The following RBFOX1 variants were observed in gnomAD, a reference collection of about 807,000 sequenced individuals.
The protein encoded by RBFOX1 is RNA binding fox-1 homolog 1.
A neutral mutation model predicts 57.7 loss-of-function variants in RBFOX1; 8 were observed. The observed-to-expected ratio is 0.14, with a 90% CI of 0.08 to 0.25. The LOEUF (loss-of-function observed/expected upper bound fraction) is 0.25, where lower values mean the gene tolerates loss of function less well. RBFOX1 is among the 10% of genes least tolerant of loss of function. RBFOX1 has a pLI of 1.00. For synonymous variants in RBFOX1, 326 were observed against 222.4 expected (o/e 1.47, Z -4.15); for missense variants, 611 against 548.5 (o/e 1.11, Z -1.14).
intron 3 of RBFOX1, among the ~76,000 whole-genome samples, chr16:6,868,701 T>C (rs1438114990): frequency 6.6e-6 from 1 of 152,112 alleles, no homozygotes; most frequent in East Asian, 1.9e-4. Context: ...GAACTTCTGA[T>C]CTCAGGTGAC....
chr16:6,431,436 C>G (rs1438682382), intron 2 of RBFOX1, among the ~76,000 whole-genome samples: 2 of 152,042 alleles, frequency 1.3e-5, no homozygotes, highest in Non-Finnish European at 2.9e-5. Flanking sequence ...CGGTCCAGCC[C>G]ACTACCTAAG....
chr16:5,263,088 G>T (rs1268825347), intron 1 of RBFOX1, among the ~76,000 whole-genome samples: 1 of 152,030 alleles, frequency 6.6e-6, no homozygotes, highest in Non-Finnish European at 1.5e-5. Flanking sequence ...TGGTGGTGGT[G>T]GTGGTGGTGG....
At chr16:7,058,760 T>A (rs575819896) in intron 4 of RBFOX1, among the ~76,000 whole-genome samples, 28 of 152,350 alleles carry the variant, frequency 1.8e-4, no homozygotes, top group African/African-American at 6.0e-4. Flanking sequence ...GATATTGGTT[T>A]TTCATTTACC....
intron 2 of RBFOX1, among the ~76,000 whole-genome samples, chr16:6,461,263 A>G (rs907848622): frequency 6.6e-6 from 1 of 152,194 alleles, no homozygotes; most frequent in African/African-American, 2.4e-5. Context: ...ACTTAAAAAA[A>G]TTAATTAAAT....
In RBFOX1 at chr16:7,589,777, T is replaced by C. The variant is rs1395377488; in HGVS notation, c.468+2477T>C. Among the ~76,000 whole-genome samples, 4 of 152,038 alleles carry C rather than the reference T, an allele frequency of 2.6e-5. No homozygotes were observed. In the South Asian group the frequency reaches 8.3e-4, roughly 32 times the overall value. On this transcript the variant is annotated intron_variant, in intron 7 of 15. Coordinates refer to ENST00000550418, the MANE Select transcript of RBFOX1 (RefSeq NM_018723.4). ...AACCTGAACTGTTGCTATGGCCTCA[T>C]TTTCATCGTTTGGTGCTGGACAGAC...
chr16:7,530,143 CTATCT>C (rs1186261977), intron 5 of RBFOX1, among the ~76,000 whole-genome samples: 1 of 152,080 alleles, frequency 6.6e-6, no homozygotes, highest in Non-Finnish European at 1.5e-5. Flanking sequence ...CTTGAGATGA[CTATCT>C]TATCTTCCTG....
At chr16:5,422,217 A>AG (rs896280727) in intron 1 of RBFOX1, among the ~76,000 whole-genome samples, 6 of 143,010 alleles carry the variant, frequency 4.2e-5, no homozygotes, top group Admixed American at 2.8e-4. Flanking sequence ...GGTGGAGGAG[A>AG]GAGGAGGGAG....
chr16:6,828,831 T>C (rs1242657546), intron 3 of RBFOX1, among the ~76,000 whole-genome samples: 2 of 152,046 alleles, frequency 1.3e-5, no homozygotes, highest in Non-Finnish European at 2.9e-5. Context: ...TTCTAAGAAA[T>C]TTCCACCCTT....
At chr16:7,010,804 A>G (rs2093618505) in intron 3 of RBFOX1, among the ~76,000 whole-genome samples, 1 of 151,958 alleles carries the variant, frequency 6.6e-6, no homozygotes, top group Non-Finnish European at 1.5e-5. Flanking sequence ...GCCTCAAGTG[A>G]TCTACCCATC....
At chr16:7,331,228 A>G (rs932582393) in intron 4 of RBFOX1, among the ~76,000 whole-genome samples, 1 of 152,214 alleles carries the variant, frequency 6.6e-6, no homozygotes, top group African/African-American at 2.4e-5. Context: ...TTGGATTTAG[A>G]AAACGCCAAT....
intron 3 of RBFOX1, among the ~76,000 whole-genome samples, chr16:6,842,035 C>T (rs574518119): frequency 1.3e-4 from 19 of 151,448 alleles, no homozygotes; most frequent in South Asian, 1.3e-3. Flanking sequence ...CCCAGCTACA[C>T]GGGAGGCTGA....
chr16:5,582,316 C>CT (rs2046695201), intron 2 of RBFOX1, among the ~76,000 whole-genome samples: 1 of 152,256 alleles, frequency 6.6e-6, no homozygotes, highest in South Asian at 2.1e-4. Context: ...AGTGACACGG[C>CT]TTAGCGAAGT....
chr16:7,118,557 C>T (rs9926120), intron 4 of RBFOX1, among the ~76,000 whole-genome samples: 29,290 of 151,882 alleles, frequency 0.19, 3,564 homozygotes, highest in East Asian at 0.34. Flanking sequence ...CAAAAGCCAC[C>T]TGTGCCCCCA....
Position 6,950,946 on chromosome 16 carries a change from C to T in RBFOX1, c.-15-101111C>T, listed in dbSNP as rs1380193553. Among the ~76,000 whole-genome samples the T allele has an allele frequency of 3.3e-5, 5 of 151,458 alleles. No homozygotes were observed. In the South Asian group the frequency reaches 6.3e-4, roughly 19 times the overall value. The stretch of plus-strand genomic sequence containing the variant: ...TTTGACATAGGATCTTGCTCTGTTT[C>T]TCAGGCTGGAGTGCAGTGGCATGAT... On this transcript the variant is annotated intron_variant, in intron 3 of 15. Coordinates refer to ENST00000550418, the MANE Select transcript of RBFOX1 (RefSeq NM_018723.4).
intron 1 of RBFOX1, among the ~76,000 whole-genome samples, chr16:5,419,177 C>G (rs943686805): frequency 1.3e-5 from 2 of 152,154 alleles, no homozygotes; most frequent in Non-Finnish European, 2.9e-5. Context: ...AGAAACAGAA[C>G]TAATCAGATA....
intron 1 of RBFOX1, among the ~76,000 whole-genome samples, chr16:5,254,140 A>G (rs1997285): frequency 0.5 from 75,407 of 152,066 alleles, 18,819 homozygotes; most frequent in East Asian, 0.59. Flanking sequence ...GATTAATAAA[A>G]GATGGCATGC....
At chr16:6,681,775 G>A (rs1043667801) in intron 3 of RBFOX1, among the ~76,000 whole-genome samples, 2 of 151,814 alleles carry the variant, frequency 1.3e-5, no homozygotes, top group Non-Finnish European at 2.9e-5. Flanking sequence ...CTGTAATTCA[G>A]TTCTCACGTC....
intron 4 of RBFOX1, among the ~76,000 whole-genome samples, chr16:7,487,789 G>A (rs1020467020): frequency 6.6e-6 from 1 of 152,242 alleles, no homozygotes; most frequent in East Asian, 1.9e-4. Context: ...CAACCTAAGA[G>A]CCTCTTCAGT....
chr16:6,596,035 C>T (rs77252962), intron 2 of RBFOX1, among the ~76,000 whole-genome samples: 8,334 of 151,756 alleles, frequency 0.055, 720 homozygotes, highest in African/African-American at 0.19. Flanking sequence ...ATTTTCAAAT[C>T]ACATGTGATT....
Sources: allele counts gnomAD v4.1 joint callset (sites outside exome capture counted in the v4.1 genomes callset), GRCh38; gene constraint gnomAD v4.1.1; transcripts MANE v1.5; gene names NCBI Gene and HGNC (gene_info 2026-07-23, HGNC 2026-07-21).